The following NEBL variants were observed in gnomAD, a reference collection of about 807,000 sequenced individuals.
NEBL encodes the protein LIM and SH3 protein 2.
Under a neutral mutation model 140.2 loss-of-function variants are expected in NEBL, and 122 were observed. That is an observed-to-expected ratio of 0.87 (90% CI 0.75 to 1.01). NEBL has a LOEUF of 1.01. Among genes scored for constraint, NEBL ranks in the 50% least tolerant of loss-of-function variants. NEBL has a pLI of 0.00. For missense variants in NEBL, 1,365 were observed against 1,231.3 expected (o/e 1.11, Z -1.62); for synonymous variants, 436 against 398.9 (o/e 1.09, Z -1.11).
intron 2 of NEBL, among the ~76,000 whole-genome samples, chr10:21,043,236 G>A (rs1416335404): frequency 1.3e-5 from 2 of 152,066 alleles, no homozygotes; most frequent in African/African-American, 2.4e-5. Flanking sequence ...ACAGATGGTG[G>A]AGCCATTTTT....
chr10:21,227,711 TTTCTTCTTCTTCTTCTTCTTCTTCTTC>T (rs796306558), intron 3 of NEBL, among the ~76,000 whole-genome samples: 4 of 46,480 alleles, frequency 8.6e-5, no homozygotes, highest in African/African-American at 2.6e-4. Context: ...CTTCTTCTTC[TTTCTTCTTCTTCTTCTTCTTCTTCTTC>T]TTCTTCTTCT....
chr10:21,250,919 G>C (rs1328133647), intron 2 of NEBL, among the ~76,000 whole-genome samples: 1 of 152,010 alleles, frequency 6.6e-6, no homozygotes, highest in African/African-American at 2.4e-5. Flanking sequence ...TAATCTTTTG[G>C]CAATATGGTA....
intron 4 of NEBL, among the ~76,000 whole-genome samples, chr10:20,882,312 A>G (rs1394909642): frequency 1.3e-5 from 2 of 151,962 alleles, no homozygotes; most frequent in Non-Finnish European, 2.9e-5. Flanking sequence ...GAAAGGAGAA[A>G]AGAAAGAAGA....
chr10:21,130,139 A>G (rs1454540505), intron 2 of NEBL, among the ~76,000 whole-genome samples: 1 of 152,146 alleles, frequency 6.6e-6, no homozygotes, highest in African/African-American at 2.4e-5. Flanking sequence ...AAACAGGGAA[A>G]GTCATCTGGG....
intron 3 of NEBL, among the ~76,000 whole-genome samples, chr10:21,181,238 T>G (rs1233598744): frequency 6.7e-6 from 1 of 148,938 alleles, no homozygotes; most frequent in African/African-American, 2.5e-5. Flanking sequence ...ATGTCAACCT[T>G]GGCAACAAAA....
chr10:20,854,002 A>G (rs1461097759), intron 9 of NEBL, among the ~76,000 whole-genome samples: 1 of 152,216 alleles, frequency 6.6e-6, no homozygotes, highest in African/African-American at 2.4e-5. Flanking sequence ...CATTTACCCC[A>G]TAAATATATA....
At chr10:20,933,971 T>C (rs1229712096) in intron 4 of NEBL, among the ~76,000 whole-genome samples, 1 of 152,222 alleles carries the variant, frequency 6.6e-6, no homozygotes, top group Non-Finnish European at 1.5e-5. Context: ...AGTTTCACTA[T>C]CTTTACTTTT....
Position 21,247,094 on chromosome 10 carries a change from C to T in NEBL, n.348+827G>A, listed in dbSNP as rs112527139. Among the ~76,000 whole-genome samples, 1,470 of 152,270 alleles carry T rather than the reference C, an allele frequency of 9.7e-3. 13 individuals are homozygous for T. Among genetic ancestry groups the T allele is most frequent in the South Asian group, 0.051 (247 of 4,824 alleles). On this transcript the variant is annotated intron_variant and non_coding_transcript_variant, in intron 3 of 8. Transcript: ENST00000675702. ...GTTCCACCATGTGAAGATGTGCCTGCTTCCCCTTTGCCCTTCCTCCATGAT... is the reference window on the plus strand; with the variant it reads ...GTTCCACCATGTGAAGATGTGCCTGTTTCCCCTTTGCCCTTCCTCCATGAT...
At chr10:21,031,190 A>T (rs181104949) in intron 2 of NEBL, among the ~76,000 whole-genome samples, 30 of 152,338 alleles carry the variant, frequency 2.0e-4, no homozygotes, top group Admixed American at 9.8e-4. Context: ...ACTAGGGTGG[A>T]GGCAGAGAGA....
rs531598883 is a variant in NEBL at position 21,033,155 on chromosome 10, C to T, written c.165-12954G>A. On this transcript the variant is annotated intron_variant, in intron 2 of 6. Transcript: ENST00000417816. ...ATCGAGCAGCCCTGTGATTTGTGCC[C>T]AGGAACACCAACCGGCACTGTTGAT... is the stretch of plus-strand genomic sequence containing the variant. Among the ~76,000 whole-genome samples, 4 of 152,196 alleles carry T rather than the reference C, an allele frequency of 2.6e-5. No individual in the cohort carries two copies. The East Asian group carries it at 7.7e-4, about 29-fold the overall frequency.
rs768032081 is a variant in NEBL at position 21,107,604 on chromosome 10, A to T, written c.164+64779T>A. On this transcript the variant is annotated intron_variant, in intron 2 of 6. Coordinates refer to the NEBL transcript ENST00000417816. Reference sequence around the variant, plus strand: ...ATTGAGGATTTTTGCATCGATGTTCATCAAGGATATTGGCCTAAAATTCTC... The same window carrying T: ...ATTGAGGATTTTTGCATCGATGTTCTTCAAGGATATTGGCCTAAAATTCTC... Among the ~76,000 whole-genome samples, 6 of 152,194 alleles carry T rather than the reference A, an allele frequency of 3.9e-5. No individual in the cohort carries two copies. The East Asian group carries it at 1.2e-3, about 29-fold the overall frequency.
intron 2 of NEBL, among the ~76,000 whole-genome samples, chr10:21,120,647 G>C (rs550790628): frequency 7.0e-6 from 1 of 142,520 alleles, no homozygotes; most frequent in Admixed American, 7.1e-5. Context: ...TATTTATTGG[G>C]GATTGGCACT....
At chr10:20,965,913 G>A (rs982272311) in intron 3 of NEBL, among the ~76,000 whole-genome samples, 1 of 152,156 alleles carries the variant, frequency 6.6e-6, no homozygotes, top group Non-Finnish European at 1.5e-5. Flanking sequence ...AACGGAGCAG[G>A]AAGGACAAAG....
intron 2 of NEBL, among the ~76,000 whole-genome samples, chr10:21,099,688 T>C (rs1837382795): frequency 6.6e-6 from 1 of 152,190 alleles, no homozygotes; most frequent in Non-Finnish European, 1.5e-5. Flanking sequence ...CACATGTTCT[T>C]CCATTTTATC....
intron 16 of NEBL, among the ~76,000 whole-genome samples, chr10:20,829,713 C>T (rs1840222866): frequency 2.6e-5 from 4 of 152,028 alleles, no homozygotes; most frequent in Admixed American, 1.3e-4. Context: ...TAGATATATT[C>T]TCACACCACA....
At chr10:21,048,498 T>A (rs1834622819) in intron 2 of NEBL, among the ~76,000 whole-genome samples, 1 of 148,272 alleles carries the variant, frequency 6.7e-6, no homozygotes, top group Admixed American at 6.8e-5. Flanking sequence ...AACAATAGAT[T>A]TAGCACCACA....
At chr10:20,853,185 AAAAGG>A (rs1292501819) in intron 9 of NEBL, among the ~76,000 whole-genome samples, 5 of 152,218 alleles carry the variant, frequency 3.3e-5, no homozygotes, top group African/African-American at 9.7e-5. Flanking sequence ...TATTGTTCCT[AAAAGG>A]AAAGGGTAAA....
chr10:21,081,913 T>C (rs1397931932), intron 2 of NEBL, among the ~76,000 whole-genome samples: 4 of 152,158 alleles, frequency 2.6e-5, no homozygotes, highest in African/African-American at 9.7e-5. Flanking sequence ...AATTGAAGTC[T>C]ATACCAATAA....
intron 2 of NEBL, among the ~76,000 whole-genome samples, chr10:21,127,352 C>T (rs1796408372): frequency 1.3e-5 from 2 of 151,928 alleles, no homozygotes; most frequent in South Asian, 4.2e-4. Context: ...AAAAAATTTC[C>T]AGTTTGTGAC....
Sources: gnomAD v4.1 joint callset for allele counts (sites outside exome capture counted in the v4.1 genomes callset) on GRCh38, gnomAD v4.1.1 for gene constraint, MANE v1.5 for transcripts, NCBI Gene and HGNC (gene_info 2026-07-23, HGNC 2026-07-21) for gene names.